The following MAP2 variants were observed in gnomAD, a reference collection of about 807,000 sequenced individuals.
MAP2 encodes the protein microtubule-associated protein 2.
MAP2 carries 14 observed loss-of-function variants against 137.6 expected under a neutral mutation model. The observed-to-expected ratio is 0.10, with a 90% CI of 0.07 to 0.16. The LOEUF is 0.16. Among genes scored for constraint, MAP2 ranks in the 10% least tolerant of loss-of-function variants. MAP2 has a pLI of 1.00. For missense variants in MAP2, 2,088 were observed against 2,191.5 expected, an observed-to-expected ratio of 0.95 and a Z score of 0.94; for synonymous variants, 786 against 782.3, an observed-to-expected ratio of 1.00 and a Z score of -0.08.
chr2:209,592,066 T>A (rs1265415322), intron 3 of MAP2, among the ~76,000 whole-genome samples: 1 of 152,192 alleles, frequency 6.6e-6, no homozygotes, highest in African/African-American at 2.4e-5. Context: ...ATTCTAAGTG[T>A]TGAGATCCAG....
At chr2:209,534,086 G>A (rs938230785) in intron 2 of MAP2, among the ~76,000 whole-genome samples, 1 of 152,178 alleles carries the variant, frequency 6.6e-6, no homozygotes, top group Non-Finnish European at 1.5e-5. Context: ...AAAGTGCTCA[G>A]AACCTCCACC....
chr2:209,589,305 A>G (rs2078621589), intron 3 of MAP2, among the ~76,000 whole-genome samples: 1 of 152,198 alleles, frequency 6.6e-6, no homozygotes, highest in Non-Finnish European at 1.5e-5. Context: ...GAAAATACTG[A>G]AGTTTGAAGA....
chr2:209,600,166 TACCCA>T (rs2082558247), intron 3 of MAP2, among the ~76,000 whole-genome samples: 1 of 152,024 alleles, frequency 6.6e-6, no homozygotes, highest in African/African-American at 2.4e-5. Context: ...ATTTCACTCT[TACCCA>T]AAATAAAAAC....
At chr2:209,605,691 T>TA (rs2084442566) in intron 3 of MAP2, among the ~76,000 whole-genome samples, 2 of 152,168 alleles carry the variant, frequency 1.3e-5, no homozygotes, top group Non-Finnish European at 2.9e-5. Flanking sequence ...TCCTAGATTT[T>TA]AAAAAACTAT....
chr2:209,534,651 T>C (rs1169880539), intron 2 of MAP2, among the ~76,000 whole-genome samples: 1 of 152,242 alleles, frequency 6.6e-6, no homozygotes, highest in Non-Finnish European at 1.5e-5. Flanking sequence ...ACATTTTTTC[T>C]TTTAATTAAG....
chr2:209,614,781 G>A (rs1233792536), intron 3 of MAP2, among the ~76,000 whole-genome samples: 2 of 152,122 alleles, frequency 1.3e-5, no homozygotes, highest in Admixed American at 6.6e-5. Context: ...GAGGGTGCCA[G>A]CTTAGTCCCC....
At chr2:209,528,839 T>C (rs1237154508) in intron 2 of MAP2, among the ~76,000 whole-genome samples, 1 of 149,606 alleles carries the variant, frequency 6.7e-6, no homozygotes, top group Admixed American at 6.7e-5. Flanking sequence ...CATATGTATG[T>C]ATATATATGT....
Position 209,680,751 on chromosome 2 carries a change from A to C in MAP2, c.378A>C (p.Ala126=). The C allele has an allele frequency of 6.2e-7, 1 of 1,613,080 alleles. No homozygotes were observed. The stretch of plus-strand genomic sequence containing the variant: ...ATTTTTCTATTGTTTGATCTTTAGC[A>C]GCTGAAGAAACAGCTAATCTGCCTC... ...HKDQTAALPL[A]AEETANLPPS... Residue 126 remains alanine (A), a splice_region_variant and synonymous_variant, in exon 7 of 16, where the codon GCA becomes GCC. Transcript: ENST00000682079.
intron 4 of MAP2, among the ~76,000 whole-genome samples, chr2:209,632,655 T>C (rs1038509471): frequency 6.6e-6 from 1 of 152,082 alleles, no homozygotes; most frequent in Non-Finnish European, 1.5e-5. Context: ...AACACACATG[T>C]CCCTCTGTGC....
At chr2:209,627,489 A>G (rs1332151149) in intron 4 of MAP2, among the ~76,000 whole-genome samples, 1 of 152,154 alleles carries the variant, frequency 6.6e-6, no homozygotes, top group African/African-American at 2.4e-5. Context: ...GAAATGCATT[A>G]CCATTTTGCA....
At chr2:209,572,317 C>T (rs2074535258) in intron 2 of MAP2, among the ~76,000 whole-genome samples, 1 of 151,962 alleles carries the variant, frequency 6.6e-6, no homozygotes. Context: ...ACATGCAACG[C>T]GTATCTCAAT....
intron 5 of MAP2, among the ~76,000 whole-genome samples, chr2:209,655,023 A>G (rs191791558): frequency 6.6e-6 from 1 of 152,324 alleles, no homozygotes; most frequent in African/African-American, 2.4e-5. Context: ...GTCATGCAGT[A>G]AAAACCAACA....
At chr2:209,712,836 A>C (rs1441488277) in intron 13 of MAP2, among the ~76,000 whole-genome samples, 1 of 152,188 alleles carries the variant, frequency 6.6e-6, no homozygotes, top group East Asian at 1.9e-4. Flanking sequence ...GACATGTTAA[A>C]GACCTTTATT....
chr2:209,506,041 A>G (rs111233568), intron 1 of MAP2, among the ~76,000 whole-genome samples: 8,801 of 152,214 alleles, frequency 0.058, 290 homozygotes, highest in South Asian at 0.092. Context: ...GGTGCCCTGG[A>G]CCACCATGAC....
intron 1 of MAP2, among the ~76,000 whole-genome samples, chr2:209,457,970 G>T (rs551696163): frequency 6.6e-6 from 1 of 152,246 alleles, no homozygotes; most frequent in South Asian, 2.1e-4. Flanking sequence ...TCTTGATTTT[G>T]TTGGGACTGC....
At chr2:209,493,295 A>C (rs1448177292) in intron 1 of MAP2, among the ~76,000 whole-genome samples, 1 of 152,232 alleles carries the variant, frequency 6.6e-6, no homozygotes, top group Non-Finnish European at 1.5e-5. Context: ...TGGATTAAAG[A>C]TTTAAACATA....
intron 1 of MAP2, among the ~76,000 whole-genome samples, chr2:209,435,560 A>C (rs1695715387): frequency 6.6e-6 from 1 of 151,694 alleles, no homozygotes; most frequent in Admixed American, 6.6e-5. Flanking sequence ...CCTTAGTAAG[A>C]GATTTGGTTT....
intron 1 of MAP2, among the ~76,000 whole-genome samples, chr2:209,476,864 A>C (rs1707375608): frequency 1.3e-5 from 2 of 152,196 alleles, no homozygotes; most frequent in South Asian, 4.1e-4. Flanking sequence ...TTTGGAAAAA[A>C]AATAAAAACA....
intron 1 of MAP2, among the ~76,000 whole-genome samples, chr2:209,469,419 T>C (rs1409507669): frequency 6.6e-6 from 1 of 152,156 alleles, no homozygotes; most frequent in African/African-American, 2.4e-5. Context: ...ATTTCTGATG[T>C]AATTTTTTTT....
Sources: gnomAD v4.1 joint callset for allele counts (sites outside exome capture counted in the v4.1 genomes callset) on GRCh38, gnomAD v4.1.1 for gene constraint, MANE v1.5 for transcripts, NCBI Gene and HGNC (gene_info 2026-07-23, HGNC 2026-07-21) for gene names.